The following CACNA2D3 variants were observed in gnomAD, a reference collection of about 807,000 sequenced individuals.
CACNA2D3 encodes the protein calcium voltage-gated channel auxiliary subunit alpha2delta 3.
A neutral mutation model predicts 160.6 loss-of-function variants in CACNA2D3; 60 were observed. The observed-to-expected ratio is 0.37, with a 90% confidence interval of 0.30 to 0.46. The LOEUF is 0.46. Among genes scored for constraint, CACNA2D3 ranks in the 20% least tolerant of loss-of-function variants. The probability of loss-of-function intolerance (pLI) is 1.00; values close to 1 mark genes in which losing one functional copy is unlikely to be tolerated. For synonymous variants in CACNA2D3, 558 were observed against 492.9 expected (o/e 1.13, Z -1.75); for missense variants, 1,205 against 1,365.0 (o/e 0.88, Z 1.85).
In CACNA2D3 at chr3:54,951,918, G is replaced by A. The variant is rs543680302; in HGVS notation, c.2450-16532G>A. On this transcript the variant is annotated intron_variant, in intron 27 of 37. Coordinates refer to ENST00000474759, the MANE Select transcript of CACNA2D3 (RefSeq NM_018398.3). ...GGCTGGAGTGCAGTGACGCGATCTC[G>A]GCTCACTGCAACCTCCCTACCCCAG... Among the ~76,000 whole-genome samples, 23 of 152,150 alleles carry A rather than the reference G, an allele frequency of 1.5e-4. No individual in the cohort carries two copies. In the East Asian group the frequency reaches 4.1e-3, roughly 27 times the overall value.
intron 4 of CACNA2D3, among the ~76,000 whole-genome samples, chr3:54,402,604 A>G (rs917228026): frequency 6.6e-6 from 1 of 152,086 alleles, no homozygotes; most frequent in Non-Finnish European, 1.5e-5. Flanking sequence ...GTAAATATAT[A>G]TGCACCCAAT....
chr3:54,517,591 T>C (rs1701573346), intron 5 of CACNA2D3, among the ~76,000 whole-genome samples: 1 of 152,114 alleles, frequency 6.6e-6, no homozygotes, highest in Non-Finnish European at 1.5e-5. Context: ...GGTGTAGAGC[T>C]GTTGCGTTCC....
At chr3:54,123,211 C>G (rs1291774677) in intron 1 of CACNA2D3, among the ~76,000 whole-genome samples, 1 of 151,990 alleles carries the variant, frequency 6.6e-6, no homozygotes, top group Non-Finnish European at 1.5e-5. Flanking sequence ...AGGTGATGCC[C>G]AGTTTGGGGG....
intron 11 of CACNA2D3, among the ~76,000 whole-genome samples, chr3:54,744,869 T>A (rs1022104253): frequency 6.6e-6 from 1 of 152,172 alleles, no homozygotes; most frequent in African/African-American, 2.4e-5. Flanking sequence ...GTGAGGTGGG[T>A]GGGTGGAGGA....
intron 11 of CACNA2D3, among the ~76,000 whole-genome samples, chr3:54,655,875 G>C (rs983575495): frequency 3.3e-5 from 5 of 152,204 alleles, no homozygotes; most frequent in Non-Finnish European, 7.3e-5. Flanking sequence ...TCAAGGCTCA[G>C]ACTACCTGGG....
chr3:54,568,844 G>C (rs894766723), intron 6 of CACNA2D3, among the ~76,000 whole-genome samples: 4 of 152,158 alleles, frequency 2.6e-5, no homozygotes, highest in Non-Finnish European at 5.9e-5. Context: ...GATAATTTGG[G>C]GATGTTATCT....
At chr3:54,871,001 G>C (rs116328439) in intron 17 of CACNA2D3, among the ~76,000 whole-genome samples, 1 of 150,752 alleles carries the variant, frequency 6.6e-6, no homozygotes, top group African/African-American at 2.4e-5. Flanking sequence ...TAAGTAAGAA[G>C]CCCTTTCTCG....
intron 17 of CACNA2D3, among the ~76,000 whole-genome samples, chr3:54,864,953 G>T (rs2106808035): frequency 6.6e-6 from 1 of 152,326 alleles, no homozygotes; most frequent in African/African-American, 2.4e-5. Flanking sequence ...CTGGAGTTGT[G>T]AAAATGAAAC....
chr3:54,612,444 T>C (rs545003786), intron 9 of CACNA2D3, among the ~76,000 whole-genome samples: 1 of 152,172 alleles, frequency 6.6e-6, no homozygotes, highest in African/African-American at 2.4e-5. Flanking sequence ...GTTGGCTTTA[T>C]GGAAGTAAAG....
intron 17 of CACNA2D3, among the ~76,000 whole-genome samples, chr3:54,871,054 ACACACACACACACACACACACAC>A (rs1699513630): frequency 3.6e-5 from 1 of 27,690 alleles, no homozygotes; most frequent in Admixed American, 6.1e-4. Context: ...ACACACACAC[ACACACACACACACACACACACAC>A]ACACACACAC....
intron 2 of CACNA2D3, among the ~76,000 whole-genome samples, chr3:54,229,213 A>ACGGAGTCT (rs562269579): frequency 2.7e-5 from 4 of 148,398 alleles, no homozygotes; most frequent in South Asian, 4.2e-4. Flanking sequence ...TTTTTTTGAG[A>ACGGAGTCT]CGGAGTCTCG....
intron 11 of CACNA2D3, among the ~76,000 whole-genome samples, chr3:54,678,785 C>A (rs938627413): frequency 1.6e-5 from 2 of 127,884 alleles, no homozygotes; most frequent in African/African-American, 5.6e-5. Flanking sequence ...ATAAACATTT[C>A]TTTGTTTGGT....
At chr3:54,260,604 A>G (rs1204010634) in intron 2 of CACNA2D3, among the ~76,000 whole-genome samples, 1 of 152,226 alleles carries the variant, frequency 6.6e-6, no homozygotes, top group Non-Finnish European at 1.5e-5. Flanking sequence ...TGTAAATTAC[A>G]TTTCCAACAC....
intron 27 of CACNA2D3, among the ~76,000 whole-genome samples, chr3:54,959,750 A>G (rs754912808): frequency 6.6e-6 from 1 of 152,228 alleles, no homozygotes; most frequent in Non-Finnish European, 1.5e-5. Flanking sequence ...AATTGACTCT[A>G]AAAATGTATT....
chr3:54,935,902 G>A (rs1046902382), intron 27 of CACNA2D3, among the ~76,000 whole-genome samples: 2 of 152,270 alleles, frequency 1.3e-5, no homozygotes, highest in South Asian at 4.1e-4. Flanking sequence ...TTAGATTGTA[G>A]CCCACATTAC....
chr3:54,380,602 G>C (rs376954847), intron 3 of CACNA2D3, among the ~76,000 whole-genome samples: 22 of 152,282 alleles, frequency 1.4e-4, no homozygotes, highest in Middle Eastern at 3.4e-3. Flanking sequence ...GCCAGGCATG[G>C]TAGCGGGCAC....
intron 8 of CACNA2D3, among the ~76,000 whole-genome samples, chr3:54,577,766 C>T (rs533480908): frequency 6.6e-6 from 1 of 152,234 alleles, no homozygotes; most frequent in South Asian, 2.1e-4. Context: ...TACCTGTTTC[C>T]CCAACACAAA....
rs536966116 is a variant in CACNA2D3, at chr3:54,995,405, T to A, written c.2690+7652T>A. On this transcript the variant is annotated intron_variant, in intron 31 of 37. Transcript: ENST00000474759. ...AGAGGTCTTTTTTCATCTCTTATGGTAAGGAAGTCTAAAAATACTAATTTG... is the reference window on the plus strand; with the variant it reads ...AGAGGTCTTTTTTCATCTCTTATGGAAAGGAAGTCTAAAAATACTAATTTG... Among the ~76,000 whole-genome samples, 4 of 152,280 alleles carry A rather than the reference T, an allele frequency of 2.6e-5. No individual in the cohort carries two copies. The East Asian group carries it at 7.7e-4, about 29-fold the overall frequency.
chr3:54,898,675 T>C (rs963730322), intron 26 of CACNA2D3, among the ~76,000 whole-genome samples: 1 of 152,244 alleles, frequency 6.6e-6, no homozygotes, highest in African/African-American at 2.4e-5. Context: ...TAATAGAACT[T>C]AGCTTGCTGT....
Sources: allele counts gnomAD v4.1 joint callset (sites outside exome capture counted in the v4.1 genomes callset), GRCh38; gene constraint gnomAD v4.1.1; transcripts MANE v1.5; gene names NCBI Gene and HGNC (gene_info 2026-07-23, HGNC 2026-07-21).